Variants in TAFA1 observed in about 807,000 individuals in gnomAD.
TAFA1 encodes TAFA chemokine like family member 1.
In TAFA1, 4 loss-of-function variants were observed where a neutral mutation model predicts 18.5. The ratio of observed to expected loss-of-function variants is 0.22; its 90% CI spans 0.11 to 0.49. The LOEUF (loss-of-function observed/expected upper bound fraction) is 0.49, where lower values mean the gene tolerates loss of function less well. Among genes scored for constraint, TAFA1 ranks in the 20% least tolerant of loss-of-function variants. The pLI, the probability that TAFA1 is intolerant of heterozygous loss-of-function variation, is 0.98. For missense variants in TAFA1, 147 were observed against 169.0 expected (o/e 0.87, Z 0.72); for synonymous variants, 56 against 55.2 (o/e 1.01, Z -0.06).
intron 3 of TAFA1, among the ~76,000 whole-genome samples, chr3:68,503,776 G>A (rs1022904496): frequency 1.3e-5 from 2 of 152,020 alleles, no homozygotes; most frequent in Admixed American, 1.3e-4. Flanking sequence ...CTCCAGGAAA[G>A]GGCATCATTT....
the TAFA1 span, among the ~76,000 whole-genome samples, chr3:67,994,628 C>G: frequency 6.6e-6 from 1 of 152,136 alleles, no homozygotes; most frequent in African/African-American, 2.4e-5. Flanking sequence ...CTCTTCTTTC[C>G]AGGGTGTCGG....
intron 3 of TAFA1, among the ~76,000 whole-genome samples, chr3:68,527,843 A>G (rs1186095689): frequency 9.1e-6 from 1 of 110,154 alleles, no homozygotes; most frequent in Admixed American, 1.1e-4. Flanking sequence ...ATTATACCAC[A>G]TTTAACTTGT....
intron 2 of TAFA1, among the ~76,000 whole-genome samples, chr3:68,181,824 G>A (rs2066205648): frequency 6.6e-6 from 1 of 152,188 alleles, no homozygotes; most frequent in Non-Finnish European, 1.5e-5. Flanking sequence ...AAAATAGGGT[G>A]AAATCTAAGT....
chr3:68,088,163 A>G (rs2064992837), intron 2 of TAFA1, among the ~76,000 whole-genome samples: 1 of 152,228 alleles, frequency 6.6e-6, no homozygotes, highest in Admixed American at 6.5e-5. Context: ...AAATCATACC[A>G]TAATGTGGAC....
chr3:68,091,594 T>G (rs569266717), intron 2 of TAFA1, among the ~76,000 whole-genome samples: 8 of 152,098 alleles, frequency 5.3e-5, no homozygotes, highest in South Asian at 2.1e-4. Context: ...AAGGAACAGA[T>G]CAAAATCAAG....
At chr3:68,142,729 C>T (rs959489743) in intron 2 of TAFA1, among the ~76,000 whole-genome samples, 3 of 152,202 alleles carry the variant, frequency 2.0e-5, no homozygotes, top group African/African-American at 7.2e-5. Context: ...TTTAAATACA[C>T]CCCATGCCTT....
chr3:68,022,574 A>C (rs530549285), intron 2 of TAFA1, among the ~76,000 whole-genome samples: 1 of 152,040 alleles, frequency 6.6e-6, no homozygotes, highest in Non-Finnish European at 1.5e-5. Flanking sequence ...TTATGCCAAG[A>C]GTAAGGGATG....
chr3:68,378,463 A>T (rs1386046717), intron 2 of TAFA1, among the ~76,000 whole-genome samples: 1 of 152,112 alleles, frequency 6.6e-6, no homozygotes, highest in Non-Finnish European at 1.5e-5. Flanking sequence ...GAAGTAACTA[A>T]TTTGCTTTTG....
At chr3:68,427,764 G>A (rs1409196073) in intron 3 of TAFA1, among the ~76,000 whole-genome samples, 1 of 151,850 alleles carries the variant, frequency 6.6e-6, no homozygotes, top group African/African-American at 2.4e-5. Flanking sequence ...ATCCCCACAT[G>A]TCATGGGAGG....
At chr3:68,002,453 T>G (rs943532234), upstream of TAFA1, among the ~76,000 whole-genome samples, 13 of 152,174 alleles carry the variant, frequency 8.5e-5, no homozygotes, top group African/African-American at 3.1e-4. Context: ...GGTTACAGGT[T>G]TTCAAAATAG....
chr3:67,998,055 T>A, the TAFA1 span, among the ~76,000 whole-genome samples: 1 of 151,046 alleles, frequency 6.6e-6, no homozygotes, highest in Non-Finnish European at 1.5e-5. Flanking sequence ...ACAAAAAAAA[T>A]TAAACAAAAA....
At chr3:68,471,160 T>C (rs2071989536) in intron 3 of TAFA1, among the ~76,000 whole-genome samples, 1 of 152,140 alleles carries the variant, frequency 6.6e-6, no homozygotes, top group African/African-American at 2.4e-5. Flanking sequence ...GAATTGAGAT[T>C]TGGGGACCTC....
chr3:68,023,565 T>C lies in TAFA1; in HGVS notation c.118+16821T>C, dbSNP rs117778280. ...ATTCATGATATGGCCACAAAATACC[T>C]TAGTGGTTAGAAAATGATATTTTCT... is the stretch of plus-strand genomic sequence containing the variant. On this transcript the variant is annotated intron_variant, in intron 2 of 4. Transcript: ENST00000478136. Among the ~76,000 whole-genome samples, 906 of 152,258 alleles carry C rather than the reference T, an allele frequency of 6.0e-3. 21 individuals carry two copies. In the East Asian group the frequency reaches 0.066, roughly 11 times the overall value.
At chr3:68,239,153 C>G (rs577007924) in intron 2 of TAFA1, among the ~76,000 whole-genome samples, 1 of 152,118 alleles carries the variant, frequency 6.6e-6, no homozygotes, top group East Asian at 1.9e-4. Flanking sequence ...TTTATGTATA[C>G]CTCAAATAGT....
intron 2 of TAFA1, among the ~76,000 whole-genome samples, chr3:68,257,161 T>A (rs1376828465): frequency 6.6e-6 from 1 of 152,106 alleles, no homozygotes; most frequent in Non-Finnish European, 1.5e-5. Flanking sequence ...ACACAGGACA[T>A]CTGCCATTCA....
the TAFA1 span, among the ~76,000 whole-genome samples, chr3:67,999,061 G>A: frequency 6.6e-6 from 1 of 152,134 alleles, no homozygotes; most frequent in Non-Finnish European, 1.5e-5. Context: ...GTGTATTCTA[G>A]AACTGTGCTG....
chr3:68,261,013 C>T (rs1411079144), intron 2 of TAFA1, among the ~76,000 whole-genome samples: 1 of 151,788 alleles, frequency 6.6e-6, no homozygotes, highest in Non-Finnish European at 1.5e-5. Flanking sequence ...ATTTTTGCAA[C>T]CTACTCATCT....
intron 2 of TAFA1, among the ~76,000 whole-genome samples, chr3:68,397,768 A>G (rs2070412300): frequency 6.6e-6 from 1 of 152,182 alleles, no homozygotes; most frequent in Non-Finnish European, 1.5e-5. Context: ...GAACTAATTT[A>G]TACTCCCACC....
chr3:68,326,107 G>A (rs1214212218), intron 2 of TAFA1, among the ~76,000 whole-genome samples: 1 of 152,152 alleles, frequency 6.6e-6, no homozygotes, highest in Non-Finnish European at 1.5e-5. Flanking sequence ...GGACTTCTTG[G>A]AATTCACTGT....
Sources: gnomAD v4.1 joint callset for allele counts (sites outside exome capture counted in the v4.1 genomes callset) on GRCh38, gnomAD v4.1.1 for gene constraint, MANE v1.5 for transcripts, NCBI Gene and HGNC (gene_info 2026-07-23, HGNC 2026-07-21) for gene names.